LZTS1: variants seen among roughly 807,000 people sequenced by gnomAD.
LZTS1 encodes leucine zipper putative tumor suppressor 1.
Under a neutral mutation model 45.8 loss-of-function variants are expected in LZTS1, and 31 were observed. That is an observed-to-expected ratio of 0.68 (90% CI 0.51 to 0.91). LZTS1 has a LOEUF of 0.91. LZTS1 is among the 40% of genes least tolerant of loss of function. The pLI is 0.00. For synonymous variants in LZTS1, 359 were observed against 357.3 expected (o/e 1.00, Z -0.05); for missense variants, 821 against 788.9 (o/e 1.04, Z -0.49).
chr8:20,296,083 C>A (rs543284918), intron 1 of LZTS1, among the ~76,000 whole-genome samples: 6 of 152,308 alleles, frequency 3.9e-5, no homozygotes, highest in African/African-American at 1.4e-4. Context: ...GGTGGAAGTA[C>A]AGCAAGTTGA....
At chr8:20,251,647 A>G (rs1341433196) in intron 3 of LZTS1, among the ~76,000 whole-genome samples, 1 of 152,136 alleles carries the variant, frequency 6.6e-6, no homozygotes, top group Non-Finnish European at 1.5e-5. Flanking sequence ...ATAGGGGTGG[A>G]AATAGAGAAG....
intron 1 of LZTS1, among the ~76,000 whole-genome samples, chr8:20,276,467 A>C (rs1800585141): frequency 6.6e-6 from 1 of 152,338 alleles, no homozygotes; most frequent in East Asian, 1.9e-4. Context: ...GGGCTCAGGA[A>C]GTTTCTGGAT....
chr8:20,250,393 C>T (rs1215771712), intron 3 of LZTS1, 30 bp from the exon 4 acceptor site: 5 of 1,552,078 alleles, frequency 3.2e-6, no homozygotes, highest in African/African-American at 2.7e-5. Context: ...GACAGAGTGC[C>T]AAGAGGTGAG....
intron 1 of LZTS1, among the ~76,000 whole-genome samples, chr8:20,300,473 C>A (rs1406019753): frequency 6.6e-6 from 1 of 152,086 alleles, no homozygotes; most frequent in Admixed American, 6.5e-5. Flanking sequence ...GCTGGGACTA[C>A]AGGTGCCCGC....
At chr8:20,302,244 G>C (rs1315467972) in intron 1 of LZTS1, among the ~76,000 whole-genome samples, 2 of 152,128 alleles carry the variant, frequency 1.3e-5, no homozygotes, top group African/African-American at 4.8e-5. Flanking sequence ...AGCCTCCAAA[G>C]AAAAGCGCTG....
At chr8:20,287,897 C>A (rs1176622188) in intron 1 of LZTS1, among the ~76,000 whole-genome samples, 1 of 54,110 alleles carries the variant, frequency 1.8e-5, no homozygotes, top group East Asian at 6.6e-4. Flanking sequence ...GCACTCCAGC[C>A]AAAAAAAAAA....
rs529205063 is a variant in LZTS1, at chr8:20,259,856, T to C, written c.-134-4541A>G. 2.0e-5 allele frequency among the ~76,000 whole-genome samples: 3 copies of C among 147,906 alleles called. No homozygotes were observed. In the South Asian group the frequency reaches 6.6e-4, roughly 33 times the overall value. ...TTTCTACCAACCTGTTTATTCCCTGTGTAAGGCTTGCTCTCACCTGTACTA... is the reference window on the plus strand; with the variant it reads ...TTTCTACCAACCTGTTTATTCCCTGCGTAAGGCTTGCTCTCACCTGTACTA... On this transcript the variant is annotated intron_variant, in intron 1 of 3. Coordinates refer to ENST00000381569, the MANE Select transcript of LZTS1 (RefSeq NM_021020.5).
chr8:20,272,487 G>A (rs1800493400), intron 1 of LZTS1, among the ~76,000 whole-genome samples: 1 of 152,076 alleles, frequency 6.6e-6, no homozygotes, highest in Non-Finnish European at 1.5e-5. Context: ...CACTAGACAT[G>A]GAACTCTTTT....
At chr8:20,291,654 T>G (rs750916584) in intron 1 of LZTS1, among the ~76,000 whole-genome samples, 1 of 151,776 alleles carries the variant, frequency 6.6e-6, no homozygotes, top group African/African-American at 2.4e-5. Context: ...AAAGTAAAGA[T>G]TGCCTTGCTG....
Position 20,254,911 on chromosome 8 carries a change from C to A in LZTS1, c.271G>T (p.Gly91Trp). The A allele has an allele frequency of 6.2e-7, 1 of 1,614,200 alleles. No individual in the cohort carries two copies. The highest frequency in any genetic ancestry group is 8.5e-7 in the Non-Finnish European group (1 of 1,180,042). ...DYTALSSGDLGGQAGVDFDPS... is the reference protein window; with the variant it reads ...DYTALSSGDLWGQAGVDFDPS... ...TCAAAGTCCACCCCAGCCTGGCCCCCTAAATCCCCGCTGGACAGTGCCGTG... is the reference window on the plus strand; with the variant it reads ...TCAAAGTCCACCCCAGCCTGGCCCCATAAATCCCCGCTGGACAGTGCCGTG... The change falls in exon 2 of 4, where the codon GGG becomes TGG. Residue 91 changes from glycine (G) to tryptophan (W), a missense_variant. By Grantham distance (184) the Gly-to-Trp change is radical. Coordinates refer to ENST00000381569, the MANE Select transcript of LZTS1 (RefSeq NM_021020.5).
rs1285677620 is a variant in LZTS1 at position 20,248,142 on chromosome 8, G to C, written c.*1580C>G. 1 of 151,130 alleles carries C rather than the reference G, an allele frequency of 6.6e-6. No individual in the cohort carries two copies. Among genetic ancestry groups the C allele is most frequent in the East Asian group, 2.0e-4 (1 of 5,128 alleles). 9.4% of individuals were successfully genotyped at this position (151,130 alleles called of 1,614,324 possible). On this transcript the variant is annotated 3_prime_UTR_variant, in exon 4 of 4. Coordinates refer to ENST00000381569, the MANE Select transcript of LZTS1 (RefSeq NM_021020.5). Reference sequence around the variant, plus strand: ...GAGACCAGCTTTGGCAACAAAACGAGACCCCGTCCCTACAAAAAAAATGAA... The same window carrying C: ...GAGACCAGCTTTGGCAACAAAACGACACCCCGTCCCTACAAAAAAAATGAA...
chr8:20,253,870 T>G (rs544081819), intron 2 of LZTS1, among the ~76,000 whole-genome samples: 1 of 152,138 alleles, frequency 6.6e-6, no homozygotes, highest in African/African-American at 2.4e-5. Context: ...AAATACCATC[T>G]TGAGGCTCCT....
chr8:20,253,153 C>G lies in LZTS1; in HGVS notation c.778G>C (p.Glu260Gln), dbSNP rs767923160. ...TGCTCCAGCTCCTGGATGCTGCACTCGTCCGTGGAGATGGGGGAGCGGACA... is the reference window on the plus strand; with the variant it reads ...TGCTCCAGCTCCTGGATGCTGCACTGGTCCGTGGAGATGGGGGAGCGGACA... ...SCVRSPISTDECSIQELEQKL... is the reference protein window; with the variant it reads ...SCVRSPISTDQCSIQELEQKL... Residue 260 changes from glutamate to glutamine, a missense_variant, in exon 3 of 4, where the codon GAG (glutamate) becomes CAG (glutamine). By Grantham distance (29) the Glu-to-Gln change is conservative. Transcript: ENST00000381569. The G allele has an allele frequency of 6.2e-7, 1 of 1,613,322 alleles. No homozygotes were observed. Among genetic ancestry groups the G allele is most frequent in the South Asian group, 1.1e-5 (1 of 91,086 alleles).
rs1274731749 is a variant in LZTS1, at chr8:20,252,800, C to CT, written c.1130_1131insA (p.Glu378GlyfsTer33). ...GCCTCACCTCCCACTGGGTCTCCTC[C>CT]AGCGCGGGGCCGAAGCTGGTCTTCT... On this transcript the variant is annotated frameshift_variant, in exon 3 of 4. Coordinates refer to ENST00000381569, the MANE Select transcript of LZTS1 (RefSeq NM_021020.5). LOFTEE classifies it high-confidence loss of function. 6.6e-7 allele frequency: 1 copy of CT among 1,524,332 alleles called. No individual in the cohort carries two copies. Among genetic ancestry groups the CT allele is most frequent in the African/African-American group, 1.4e-5 (1 of 71,914 alleles). The allele number at this position is 1,524,332 out of a possible 1,614,324, so 94.4% of individuals were successfully genotyped here.
rs114769971 is a variant in LZTS1, at chr8:20,303,396, C to T, written c.-135+344G>A. Among the ~76,000 whole-genome samples the T allele has an allele frequency of 3.3e-5, 5 of 152,134 alleles. No homozygotes were observed. The South Asian group carries it at 6.2e-4, about 19-fold the overall frequency. On this transcript the variant is annotated intron_variant, in intron 1 of 3. Transcript: ENST00000381569. ...TCCCCACCTCCCACTTCTTCACCTC[C>T]GACACCAGTGTCACCTAACACTGAC...
rs766597097 is a variant in LZTS1 at position 20,249,944 on chromosome 8, C to A, written c.1569G>T (p.Ser523=). The A allele has an allele frequency of 6.2e-7, 1 of 1,614,160 alleles. No homozygotes were observed. The highest frequency in any genetic ancestry group is 1.3e-5 in the African/African-American group (1 of 75,060). Residue 523 remains serine (S), a synonymous_variant, in exon 4 of 4, where the codon TCG becomes TCT. Transcript: ENST00000381569. ...EERQGHDQMS[S]GFQHERLVWK... ...ACACGAGCCGCTCATGCTGGAAGCC[C>A]GAGGACATCTGGTCATGGCCTTGCC...
chr8:20,261,270 A>G (rs1276306713), intron 1 of LZTS1, among the ~76,000 whole-genome samples: 1 of 152,190 alleles, frequency 6.6e-6, no homozygotes, highest in Non-Finnish European at 1.5e-5. Context: ...GAAGGAATCC[A>G]GCTAGAGTTG....
Position 20,255,230 on chromosome 8 carries a change from G to A in LZTS1, c.-49C>T. 6.4e-7 allele frequency: 1 copy of A among 1,561,824 alleles called. No individual in the cohort carries two copies. Among genetic ancestry groups the A allele is most frequent in the Non-Finnish European group, 8.6e-7 (1 of 1,156,910 alleles). ...GCAGGGCCGGGCAGGGTCTTGGAAAGGCTGTGGCAGCAAGGGGCAGTCGTG... is the reference window on the plus strand; with the variant it reads ...GCAGGGCCGGGCAGGGTCTTGGAAAAGCTGTGGCAGCAAGGGGCAGTCGTG... On this transcript the variant is annotated 5_prime_UTR_variant, in exon 2 of 4. Coordinates refer to ENST00000381569, the MANE Select transcript of LZTS1 (RefSeq NM_021020.5).
In LZTS1 at chr8:20,250,371, G is replaced by C. The variant is rs1315154537; in HGVS notation, c.1150-8C>G. The C allele has an allele frequency of 6.3e-7, 1 of 1,584,768 alleles. No individual in the cohort carries two copies. Among genetic ancestry groups the C allele is most frequent in the Non-Finnish European group, 8.6e-7 (1 of 1,164,772 alleles). On this transcript the variant is annotated splice_polypyrimidine_tract_variant and splice_region_variant and intron_variant, in intron 3 of 3. Coordinates refer to ENST00000381569, the MANE Select transcript of LZTS1 (RefSeq NM_021020.5). ...GCCTGACTTCTGGCACACCTGCCGA[G>C]GGTGGGGTGGAGACAGAGTGCCAAG...
Sources: allele counts gnomAD v4.1 joint callset (sites outside exome capture counted in the v4.1 genomes callset), GRCh38; gene constraint gnomAD v4.1.1; transcripts MANE v1.5; gene names NCBI Gene and HGNC (gene_info 2026-07-23, HGNC 2026-07-21).